SENP6: variants seen among roughly 807,000 people sequenced by gnomAD.
The protein encoded by SENP6 is SUMO specific peptidase 6.
A neutral mutation model predicts 134.5 loss-of-function variants in SENP6; 41 were observed. That is an observed-to-expected ratio of 0.30 (90% CI 0.24 to 0.40). The LOEUF is 0.40. Among genes scored for constraint, SENP6 ranks in the 10% least tolerant of loss-of-function variants. The pLI is 1.00. For synonymous variants in SENP6, 395 were observed against 429.8 expected (o/e 0.92, Z 1.00); for missense variants, 1,248 against 1,312.5 (o/e 0.95, Z 0.76).
chr6:75,652,892 A>T (rs910054043), intron 7 of SENP6, among the ~76,000 whole-genome samples: 2 of 152,164 alleles, frequency 1.3e-5, no homozygotes, highest in East Asian at 3.9e-4. Context: ...TACATGATTA[A>T]TGGCCATTTG....
chr6:75,710,264 A>G (rs944898685), intron 20 of SENP6, among the ~76,000 whole-genome samples: 14 of 152,172 alleles, frequency 9.2e-5, no homozygotes, highest in African/African-American at 3.4e-4. Context: ...GTTAATATAG[A>G]TGAATTCTGA....
intron 7 of SENP6, among the ~76,000 whole-genome samples, chr6:75,657,626 T>C (rs536768585): frequency 1.3e-5 from 2 of 152,366 alleles, no homozygotes; most frequent in South Asian, 2.1e-4. Flanking sequence ...GAAACATTTA[T>C]TAAGCCCTTG....
chr6:75,622,048 A>G (rs975132353), intron 2 of SENP6, among the ~76,000 whole-genome samples: 5 of 152,128 alleles, frequency 3.3e-5, no homozygotes, highest in African/African-American at 1.2e-4. Flanking sequence ...CCCAGTTGTG[A>G]CCACCACCCC....
intron 2 of SENP6, chr6:75,622,680 C>T (rs1187104259): frequency 1.3e-6 from 1 of 743,050 alleles, no homozygotes; most frequent in African/African-American, 1.8e-5. Flanking sequence ...AAAGTTCTAC[C>T]AAAACTATAA....
chr6:75,663,408 A>G lies in SENP6; in HGVS notation c.884A>G (p.Lys295Arg). 6.2e-7 allele frequency: 1 copy of G among 1,613,758 alleles called. No homozygotes were observed. Among genetic ancestry groups the G allele is most frequent in the Non-Finnish European group, 8.5e-7 (1 of 1,179,810 alleles). Residue 295 changes from lysine (K) to arginine (R), a missense_variant, in exon 9 of 24, where the codon AAA (lysine) becomes AGA (arginine). Lys to Arg is a conservative substitution (Grantham distance 26). Around this residue, in one of 3 missense-constraint regions of SENP6, gnomAD observed 733 missense variants for 725.4 expected, o/e 1.01. Coordinates refer to ENST00000447266, the MANE Select transcript of SENP6 (RefSeq NM_015571.4). ...ATTATTGTGAATTGTGATGACAGTA[A>G]ACACACTTATTTACAGACTAATGGA... ...IDIIVNCDDS[K>R]HTYLQTNGKV...
intron 12 of SENP6, 55 bp downstream of exon 12, chr6:75,675,523 T>G: frequency 2.8e-6 from 3 of 1,067,978 alleles, no homozygotes; most frequent in Non-Finnish European, 4.1e-6. Context: ...CCAAAGCACT[T>G]TACAGGAATA....
At chr6:75,625,081 A>G (rs1169738256) in intron 3 of SENP6, among the ~76,000 whole-genome samples, 5 of 145,186 alleles carry the variant, frequency 3.4e-5, no homozygotes, top group East Asian at 2.0e-4. Flanking sequence ...CTGTGATACT[A>G]GTTGCTAATA....
At chr6:75,707,573 G>T (rs923025496) in intron 19 of SENP6, among the ~76,000 whole-genome samples, 1 of 151,698 alleles carries the variant, frequency 6.6e-6, no homozygotes, top group African/African-American at 2.4e-5. Context: ...GCCCAGGCTG[G>T]TCTCAAACTT....
chr6:75,684,351 A>C (rs1330412466), intron 16 of SENP6, among the ~76,000 whole-genome samples: 2 of 152,226 alleles, frequency 1.3e-5, no homozygotes, highest in Non-Finnish European at 1.5e-5. Context: ...AAACAGGGAC[A>C]GTTTGACTTC....
At chr6:75,675,319 T>C in intron 11 of SENP6, 116 bp from the exon 12 acceptor site, 1 of 601,648 alleles carries the variant, frequency 1.7e-6, no homozygotes, top group Non-Finnish European at 2.9e-6. Flanking sequence ...AACTTCTCTG[T>C]GGGATTTTAA....
intron 6 of SENP6, among the ~76,000 whole-genome samples, chr6:75,643,596 C>G (rs1770194990): frequency 6.6e-6 from 1 of 152,146 alleles, no homozygotes; most frequent in Non-Finnish European, 1.5e-5. Flanking sequence ...ATGGCATGCG[C>G]CTGTAATCCC....
intron 7 of SENP6, among the ~76,000 whole-genome samples, chr6:75,650,194 AATG>A (rs1390054790): frequency 2.6e-5 from 4 of 152,184 alleles, no homozygotes; most frequent in African/African-American, 9.7e-5. Context: ...CTTCCACAGA[AATG>A]ATGTTGTGGC....
At chr6:75,602,689 G>A in intron 1 of SENP6, 113 bp downstream of exon 1, 1 of 1,090,160 alleles carries the variant, frequency 9.2e-7, no homozygotes, top group Non-Finnish European at 1.3e-6. Context: ...GGGCGGTGAA[G>A]TACGAGGGAT....
intron 13 of SENP6, 115 bp from the exon 14 acceptor site, chr6:75,676,915 C>A: frequency 3.2e-6 from 2 of 626,364 alleles, no homozygotes; most frequent in South Asian, 4.3e-5. Flanking sequence ...TGTTGTGGAC[C>A]TTTATACTGG....
At chr6:75,705,924 C>CTTTTT (rs1562073188) in intron 19 of SENP6, among the ~76,000 whole-genome samples, 1,267 of 89,230 alleles carry the variant, frequency 0.014, 345 homozygotes, top group Non-Finnish European at 0.016. Flanking sequence ...TATTTTTGAG[C>CTTTTT]CTTTTTTTTT....
At chr6:75,610,545 A>T (rs931170022) in intron 1 of SENP6, among the ~76,000 whole-genome samples, 6 of 151,904 alleles carry the variant, frequency 3.9e-5, no homozygotes, top group Admixed American at 3.9e-4. Flanking sequence ...TTGGACCCTA[A>T]TTTTTTTTGT....
At chr6:75,689,039 C>T (rs968460810) in intron 16 of SENP6, among the ~76,000 whole-genome samples, 1 of 152,134 alleles carries the variant, frequency 6.6e-6, no homozygotes, top group Non-Finnish European at 1.5e-5. Flanking sequence ...GAACTCCAGC[C>T]TGGGCAACAA....
intron 1 of SENP6, among the ~76,000 whole-genome samples, chr6:75,620,407 A>C (rs1383985402): frequency 6.6e-6 from 1 of 152,186 alleles, no homozygotes; most frequent in Non-Finnish European, 1.5e-5. Context: ...CAAGAGGTCC[A>C]GATTCAGTAT....
At chr6:75,616,182 T>G (rs1280810159) in intron 1 of SENP6, among the ~76,000 whole-genome samples, 1 of 152,166 alleles carries the variant, frequency 6.6e-6, no homozygotes, top group Non-Finnish European at 1.5e-5. Flanking sequence ...CTTAACCTTT[T>G]TCTTTCCATC....
Sources: gnomAD v4.1 joint callset for allele counts (sites outside exome capture counted in the v4.1 genomes callset) on GRCh38, gnomAD v4.1.1 for gene constraint, gnomAD v4.1.1 regional missense constraint, MANE v1.5 for transcripts, NCBI Gene and HGNC (gene_info 2026-07-23, HGNC 2026-07-21) for gene names.